The following CSPG4 variants were observed in gnomAD, a reference collection of about 807,000 sequenced individuals.
The protein encoded by CSPG4 is chondroitin sulfate proteoglycan 4 (melanoma-associated).
CSPG4 carries 74 observed loss-of-function variants against 139.3 expected under a neutral mutation model. The observed-to-expected ratio is 0.53, with a 90% CI of 0.44 to 0.64. CSPG4 has a LOEUF of 0.64. Among genes scored for constraint, CSPG4 ranks in the 30% least tolerant of loss-of-function variants. CSPG4 has a pLI of 0.00. For synonymous variants in CSPG4, 1,234 were observed against 1,394.2 expected (o/e 0.89, Z 2.56); for missense variants, 2,565 against 3,148.3 (o/e 0.81, Z 4.43).
At position 75,697,484 on chromosome 15, in the gene CSPG4, G is replaced by A. The variant is rs1044537678; in HGVS notation, c.89-4251C>T. On this transcript the variant is annotated intron_variant, in intron 1 of 9. Coordinates refer to ENST00000308508, the MANE Select transcript of CSPG4 (RefSeq NM_001897.5). ...GGCTCCAGAGGAGAAGCGATTTGAC[G>A]AAGAGAAGCAGAAAGAGATCCAGCA... Among the ~76,000 whole-genome samples the A allele has an allele frequency of 9.0e-4, 137 of 152,228 alleles. 1 individual carries two copies. Among genetic ancestry groups the A allele is most frequent in the African/African-American group, 3.2e-3 (133 of 41,450 alleles).
In CSPG4 at chr15:75,687,442, C is replaced by T. The variant is rs147134901; in HGVS notation, c.3623G>A (p.Arg1208His). ...LYSHNGSLSP[R>H]DTMAFSVEAG... Reference sequence around the variant, plus strand: ...TTCCACGGAGAAGGCCATGGTGTCGCGGGGGCTGAGGCTGCCATTGTGGCT... The same window carrying T: ...TTCCACGGAGAAGGCCATGGTGTCGTGGGGGCTGAGGCTGCCATTGTGGCT... The change falls in exon 3 of 10, where the codon CGC becomes CAC. Residue 1208 changes from arginine to histidine, a missense_variant. This residue lies in a region of CSPG4 where 2,316 missense variants were observed against 2,818.2 expected (regional missense o/e 0.82). Coordinates refer to ENST00000308508, the MANE Select transcript of CSPG4 (RefSeq NM_001897.5). This position sits in a 1 kb window ranked among gnomAD's most constrained non-coding sequence, Gnocchi z 5.4. 49 of 1,612,394 alleles carry T rather than the reference C, an allele frequency of 3.0e-5. No homozygotes were observed. Among genetic ancestry groups the T allele is most frequent in the Non-Finnish European group, 3.8e-5 (45 of 1,179,662 alleles).
At chr15:75,699,784 G>A (rs1894277041) in intron 1 of CSPG4, among the ~76,000 whole-genome samples, 2 of 152,188 alleles carry the variant, frequency 1.3e-5, no homozygotes, top group South Asian at 2.1e-4. Flanking sequence ...GGCCTCAGGC[G>A]AGGAGGGTGG....
intron 1 of CSPG4, among the ~76,000 whole-genome samples, chr15:75,707,179 A>T (rs749579903): frequency 1.3e-5 from 2 of 151,870 alleles, no homozygotes; most frequent in Non-Finnish European, 2.9e-5. Flanking sequence ...CTGGTCTCGA[A>T]CTCCTGAGCT....
intron 1 of CSPG4, among the ~76,000 whole-genome samples, chr15:75,706,269 G>A (rs1894370482): frequency 6.6e-6 from 1 of 152,226 alleles, no homozygotes; most frequent in African/African-American, 2.4e-5. Flanking sequence ...GCCCAGGCCA[G>A]AGGGCCTGCC....
intron 3 of CSPG4, 35 bp from the exon 4 acceptor site, chr15:75,685,736 C>A (rs745897515): frequency 8.4e-6 from 13 of 1,554,198 alleles, no homozygotes; most frequent in Non-Finnish European, 1.0e-5. Context: ...TCACAGGGGG[C>A]CACAGAGGGG....
chr15:75,683,949 G>C (rs1894016767), intron 5 of CSPG4, among the ~76,000 whole-genome samples: 1 of 152,168 alleles, frequency 6.6e-6, no homozygotes, highest in African/African-American at 2.4e-5. Flanking sequence ...TGTGGTTCCA[G>C]AGCACTGTGT....
Position 75,712,748 on chromosome 15 carries a change from G to T in CSPG4, c.8C>A (p.Ser3Tyr). Residue 3 changes from serine (S) to tyrosine (Y), a missense_variant, in exon 1 of 10, where the codon TCC becomes TAC. Ser to Tyr is a moderately radical substitution (Grantham distance 144, BLOSUM62 -2). This residue lies in a region of CSPG4 where 47 missense variants were observed against 48.7 expected (regional missense o/e 0.97). Transcript: ENST00000308508. MQ[S>Y]GPRPPLPAPG... ...GGCTGGAAGTGGGGGCCGCGGCCCGGACTGCATCCCGGCGGGCTGGGCGGC... is the reference window on the plus strand; with the variant it reads ...GGCTGGAAGTGGGGGCCGCGGCCCGTACTGCATCCCGGCGGGCTGGGCGGC... 1.3e-6 allele frequency: 2 copies of T among 1,548,810 alleles called. No homozygotes were observed. The highest frequency in any genetic ancestry group is 1.2e-5 in the South Asian group (1 of 84,126).
chr15:75,702,237 G>A (rs377757317), intron 1 of CSPG4, among the ~76,000 whole-genome samples: 3 of 152,184 alleles, frequency 2.0e-5, no homozygotes, highest in South Asian at 2.1e-4. Flanking sequence ...CCACGCCTCC[G>A]TCTCACTAGA....
At chr15:75,683,102 G>A in intron 5 of CSPG4, 61 bp from the exon 6 acceptor site, 1 of 1,505,470 alleles carries the variant, frequency 6.6e-7, no homozygotes, top group Non-Finnish European at 9.0e-7. Context: ...TTCCTCCCCG[G>A]CCCTGGGCTG....
chr15:75,678,700 GCCC>G, intron 8 of CSPG4: 1 of 456,162 alleles, frequency 2.2e-6, no homozygotes, highest in South Asian at 1.5e-5. Context: ...CTTCACCCCT[GCCC>G]CTTTGCTTCT....
At position 75,690,301 on chromosome 15, in the gene CSPG4, A is replaced by C; in HGVS notation, c.764T>G (p.Ile255Arg). The change falls in exon 3 of 10, where the codon ATA (isoleucine) becomes AGA (arginine). Residue 255 changes from isoleucine to arginine, a missense_variant. Ile to Arg is a moderately conservative substitution (Grantham distance 97). This residue lies in a region of CSPG4 where 40 missense variants were observed against 89.0 expected (regional missense o/e 0.45). Transcript: ENST00000308508. The part of the protein sequence containing the change: ...GRRGDFIYVD[I>R]FEGHLRAVVE... Reference sequence around the variant, plus strand: ...CACGGCCCGCAGGTGGCCCTCAAATATGTCCACATAGATGAAGTCCCCACG... The same window carrying C: ...CACGGCCCGCAGGTGGCCCTCAAATCTGTCCACATAGATGAAGTCCCCACG... The C allele has an allele frequency of 6.2e-7, 1 of 1,613,024 alleles. No homozygotes were observed. Among genetic ancestry groups the C allele is most frequent in the Non-Finnish European group, 8.5e-7 (1 of 1,179,780 alleles).
At position 75,675,698 on chromosome 15, in the gene CSPG4, G is replaced by A; in HGVS notation, c.6821C>T (p.Thr2274Ile). 1.3e-6 allele frequency: 2 copies of A among 1,573,118 alleles called. No homozygotes were observed. The highest frequency in any genetic ancestry group is 1.3e-5 in the African/African-American group (1 of 74,152). Reference protein sequence around the residue: ...PRNGLAGDTETFRKVEPGQAI... With the variant: ...PRNGLAGDTEIFRKVEPGQAI... ...CTGGCCTGGCTCCACCTTGCGAAAG[G>A]TCTCGGTGTCACCAGCCAGGCCGTT... Residue 2274 changes from threonine (T) to isoleucine (I), a missense_variant, in exon 10 of 10, where the codon ACC (threonine) becomes ATC (isoleucine). Thr to Ile is a moderately conservative substitution (Grantham distance 89, BLOSUM62 -1). Coordinates refer to ENST00000308508, the MANE Select transcript of CSPG4 (RefSeq NM_001897.5).
chr15:75,706,017 G>C (rs973675130), intron 1 of CSPG4, among the ~76,000 whole-genome samples: 11 of 152,242 alleles, frequency 7.2e-5, no homozygotes, highest in African/African-American at 2.7e-4. Flanking sequence ...CTGTGTGTGT[G>C]TGGCTAGGCC....
chr15:75,688,420 T>C lies in CSPG4; in HGVS notation c.2645A>G (p.Tyr882Cys), dbSNP rs1566974246. Reference protein sequence around the residue: ...TFRFRVTAPPYFSPLYTFPIH... With the variant: ...TFRFRVTAPPCFSPLYTFPIH... ...GGGGAAGGTATAGAGTGGGGAGAAA[T>C]ATGGTGGAGCTGTGACACGGAAACG... is the stretch of plus-strand genomic sequence containing the variant. Residue 882 changes from tyrosine to cysteine, a missense_variant, in exon 3 of 10, where the codon TAT (tyrosine) becomes TGT (cysteine). Physicochemically the swap from Tyr to Cys is radical, Grantham distance 194. Transcript: ENST00000308508. 1 of 1,613,044 alleles carries C rather than the reference T, an allele frequency of 6.2e-7. No individual in the cohort carries two copies.
intron 8 of CSPG4, among the ~76,000 whole-genome samples, chr15:75,681,297 G>C (rs1333810463): frequency 1.3e-5 from 2 of 152,200 alleles, no homozygotes; most frequent in African/African-American, 4.8e-5. Context: ...CTTTGCACTT[G>C]CTGAATACCA....
Position 75,684,716 on chromosome 15 carries a change from G to A in CSPG4, c.4449+20C>T. 1 of 1,601,634 alleles carries A rather than the reference G, an allele frequency of 6.2e-7. No individual in the cohort carries two copies. Among genetic ancestry groups the A allele is most frequent in the Non-Finnish European group, 8.5e-7 (1 of 1,170,022 alleles). ...TCTTTCTCGAAGCAGACATGGGGGT[G>A]TTCCCAGGGATGCTCTCACCTGCAG... On this transcript the variant is annotated intron_variant, in intron 5 of 9. Coordinates refer to ENST00000308508, the MANE Select transcript of CSPG4 (RefSeq NM_001897.5).
chr15:75,694,025 T>C (rs1329682638), intron 1 of CSPG4, among the ~76,000 whole-genome samples: 10 of 152,246 alleles, frequency 6.6e-5, no homozygotes, highest in Admixed American at 3.3e-4. Context: ...CAGTCCCCGA[T>C]GAGCAGTCAG....
At position 75,675,205 on chromosome 15, in the gene CSPG4, T is replaced by C. The variant is rs1199816657; in HGVS notation, c.*345A>G. ...TTAGCAGCCTGGGTCAGGCGCGACT[T>C]ACCCAAGGTCACAGACCCAGGACCC... On this transcript the variant is annotated 3_prime_UTR_variant, in exon 10 of 10. Transcript: ENST00000308508. 2 of 292,962 alleles carry C rather than the reference T, an allele frequency of 6.8e-6. No individual in the cohort carries two copies. The allele number at this position is 292,962 out of a possible 1,614,324, so 18.1% of individuals were successfully genotyped here. A position where few individuals can be genotyped will look rare whatever the true frequency, so the allele number is the denominator to read the frequency against.
Position 75,689,188 on chromosome 15 carries a change from AGGCTGCC to A in CSPG4, c.1870_1876del (p.Gly624Ter). 1.2e-6 allele frequency: 2 copies of A among 1,606,646 alleles called. No homozygotes were observed. The highest frequency in any genetic ancestry group is 1.7e-6 in the Non-Finnish European group (2 of 1,177,534). ...AGGACCACCGCGGTGGACATAGACT[AGGCTGCC>A]GGCCTCCAACTCCCGGCAGGAGAAC... On this transcript the variant is annotated frameshift_variant, in exon 3 of 10. Coordinates refer to ENST00000308508, the MANE Select transcript of CSPG4 (RefSeq NM_001897.5). LOFTEE classifies it high-confidence loss of function.
Sources: allele counts gnomAD v4.1 joint callset (sites outside exome capture counted in the v4.1 genomes callset), GRCh38; gene constraint gnomAD v4.1.1; regional missense constraint gnomAD v4.1.1; non-coding constraint Gnocchi (gnomAD v3.1); transcripts MANE v1.5; gene names NCBI Gene and HGNC (gene_info 2026-07-23, HGNC 2026-07-21).